Variants in HTR2A observed in about 807,000 individuals in gnomAD.
HTR2A encodes the protein 5-HT2 receptor.
A neutral mutation model predicts 31.0 loss-of-function variants in HTR2A; 14 were observed. The observed-to-expected ratio is 0.45, with a 90% confidence interval of 0.30 to 0.71. The LOEUF is 0.71. Among genes scored for constraint, HTR2A ranks in the 30% least tolerant of loss-of-function variants. The pLI, the probability that HTR2A is intolerant of heterozygous loss-of-function variation, is 0.09. For missense variants in HTR2A, 442 were observed against 573.3 expected (o/e 0.77, Z 2.34); for synonymous variants, 209 against 225.2 (o/e 0.93, Z 0.64).
chr13:46,869,772 A>G (rs1950850560), intron 3 of HTR2A, among the ~76,000 whole-genome samples: 1 of 152,176 alleles, frequency 6.6e-6, no homozygotes, highest in East Asian at 1.9e-4. Flanking sequence ...ACAGACCCTG[A>G]AAACAGTATG....
At chr13:46,887,525 A>T (rs1190694797) in intron 3 of HTR2A, among the ~76,000 whole-genome samples, 1 of 151,978 alleles carries the variant, frequency 6.6e-6, no homozygotes, top group East Asian at 1.9e-4. Flanking sequence ...CCCAAAACTC[A>T]GAAAAGAGAA....
At chr13:46,876,325 C>T (rs1461836310) in intron 3 of HTR2A, among the ~76,000 whole-genome samples, 1 of 149,192 alleles carries the variant, frequency 6.7e-6, no homozygotes, top group Non-Finnish European at 1.5e-5. Context: ...TCTGCTTTCT[C>T]AGAATTAGCA....
chr13:46,877,735 A>G (rs1950926891), intron 3 of HTR2A, among the ~76,000 whole-genome samples: 2 of 152,120 alleles, frequency 1.3e-5, no homozygotes, highest in African/African-American at 4.8e-5. Context: ...ATATAGAGAT[A>G]TGGAGGGGTT....
At chr13:46,871,628 A>G (rs571370708) in intron 3 of HTR2A, among the ~76,000 whole-genome samples, 3 of 152,358 alleles carry the variant, frequency 2.0e-5, no homozygotes, top group African/African-American at 7.2e-5. Context: ...ACAAAGTGTT[A>G]GTAAACTCTC....
intron 3 of HTR2A, among the ~76,000 whole-genome samples, chr13:46,848,979 C>A (rs922792473): frequency 6.6e-6 from 1 of 152,182 alleles, no homozygotes; most frequent in Non-Finnish European, 1.5e-5. Flanking sequence ...AAGGGCTAAG[C>A]ATTGTCATAA....
chr13:46,869,952 G>T (rs777674831), intron 3 of HTR2A, among the ~76,000 whole-genome samples: 1 of 152,138 alleles, frequency 6.6e-6, no homozygotes, highest in Admixed American at 6.5e-5. Context: ...TTGTGAAGGC[G>T]AAAAAATTTG....
In HTR2A at chr13:46,892,465, G is replaced by T. The variant is rs1168578195; in HGVS notation, c.538C>A (p.Pro180Thr). The T allele has an allele frequency of 6.2e-7, 1 of 1,614,132 alleles. No individual in the cohort carries two copies. The highest frequency in any genetic ancestry group is 1.3e-5 in the African/African-American group (1 of 74,936). ...GAGTTGAAGCGGCTGTGGTGGATGG[G>T]ATTCTGGATGGCGACGTAGCGGTCC... is the stretch of plus-strand genomic sequence containing the variant. ...SLDRYVAIQN[P>T]IHHSRFNSRT... The change falls in exon 3 of 4, where the codon CCC becomes ACC. Residue 180 changes from proline (P) to threonine (T), a missense_variant. Physicochemically the swap from Pro to Thr is conservative, Grantham distance 38. This residue lies in a region of HTR2A where 86 missense variants were observed against 179.1 expected (regional missense o/e 0.48). Coordinates refer to ENST00000542664, the MANE Select transcript of HTR2A (RefSeq NM_000621.5).
At chr13:46,838,773 G>T (rs1482659723) in intron 3 of HTR2A, among the ~76,000 whole-genome samples, 1 of 152,064 alleles carries the variant, frequency 6.6e-6, no homozygotes, top group African/African-American at 2.4e-5. Flanking sequence ...TCCAAAAAAG[G>T]TGTGTGATTT....
At chr13:46,870,722 A>C (rs1335757411) in intron 3 of HTR2A, among the ~76,000 whole-genome samples, 2 of 152,146 alleles carry the variant, frequency 1.3e-5, no homozygotes, top group Non-Finnish European at 2.9e-5. Flanking sequence ...CTGTTTTACT[A>C]TGCAGATTTG....
intron 3 of HTR2A, among the ~76,000 whole-genome samples, chr13:46,862,227 T>A (rs1950784764): frequency 1.3e-5 from 2 of 152,224 alleles, no homozygotes; most frequent in Non-Finnish European, 2.9e-5. Context: ...GAAATGCATA[T>A]GTGGTTTTGA....
rs1951059765 is a variant in HTR2A, at chr13:46,892,308, C to T, written c.613+82G>A. ...ACAGTAGATTGAGGATGTCAGGTTT[C>T]AGTACAACAAAATGGAACAAGTCTT... is the stretch of plus-strand genomic sequence containing the variant. On this transcript the variant is annotated intron_variant, in intron 3 of 3. Transcript: ENST00000542664. 1.3e-5 allele frequency: 17 copies of T among 1,300,438 alleles called. No individual in the cohort carries two copies. The South Asian group carries it at 1.9e-4, about 15-fold the overall frequency. The allele number at this position is 1,300,438 out of a possible 1,614,324, so 80.6% of individuals were successfully genotyped here.
At chr13:46,872,584 C>T (rs1220041881) in intron 3 of HTR2A, among the ~76,000 whole-genome samples, 2 of 152,136 alleles carry the variant, frequency 1.3e-5, no homozygotes, top group African/African-American at 4.8e-5. Context: ...TATTTGACCA[C>T]TCTGTATACT....
At chr13:46,868,860 ATTC>A (rs1950841069) in intron 3 of HTR2A, among the ~76,000 whole-genome samples, 1 of 152,196 alleles carries the variant, frequency 6.6e-6, no homozygotes, top group African/African-American at 2.4e-5. Flanking sequence ...GTATTAAAAT[ATTC>A]TTATTAAGAA....
intron 3 of HTR2A, among the ~76,000 whole-genome samples, chr13:46,858,300 G>T (rs1252540757): frequency 1.3e-5 from 2 of 152,072 alleles, no homozygotes; most frequent in African/African-American, 4.8e-5. Context: ...CTCTCAGGCA[G>T]CTCTCAGGGC....
At chr13:46,897,059 T>C (rs1049514522), upstream of HTR2A, 28 of 515,282 alleles carry the variant, frequency 5.4e-5, no homozygotes, top group African/African-American at 2.6e-4. Context: ...TCTCTGACTG[T>C]CTCGTTCATT....
At chr13:46,891,985 T>C (rs1171186999) in intron 3 of HTR2A, among the ~76,000 whole-genome samples, 1 of 152,224 alleles carries the variant, frequency 6.6e-6, no homozygotes, top group Non-Finnish European at 1.5e-5. Flanking sequence ...TACCTTTCTC[T>C]AGAGCCCAGA....
chr13:46,841,106 C>T (rs367693221), intron 3 of HTR2A, among the ~76,000 whole-genome samples: 8 of 152,146 alleles, frequency 5.3e-5, no homozygotes, highest in East Asian at 1.9e-4. Flanking sequence ...TAAGATGCAC[C>T]TGCTTCCCTT....
intron 3 of HTR2A, among the ~76,000 whole-genome samples, chr13:46,868,959 T>A (rs549535914): frequency 5.9e-5 from 9 of 152,270 alleles, no homozygotes; most frequent in African/African-American, 2.2e-4. Context: ...GTGACTGGAC[T>A]TATGGTGATA....
intron 3 of HTR2A, among the ~76,000 whole-genome samples, chr13:46,879,550 G>A (rs1384546998): frequency 6.6e-6 from 1 of 152,204 alleles, no homozygotes; most frequent in Non-Finnish European, 1.5e-5. Flanking sequence ...AGGACAGGAG[G>A]TAGAGACAGG....
Sources: allele counts gnomAD v4.1 joint callset (sites outside exome capture counted in the v4.1 genomes callset), GRCh38; gene constraint gnomAD v4.1.1; regional missense constraint gnomAD v4.1.1; transcripts MANE v1.5; gene names NCBI Gene and HGNC (gene_info 2026-07-23, HGNC 2026-07-21).